The following MYRIP variants were observed in gnomAD, a reference collection of about 807,000 sequenced individuals.
The protein encoded by MYRIP is myosin VIIA and Rab interacting protein, also known as rab effector MyRIP.
Under a neutral mutation model 98.0 loss-of-function variants are expected in MYRIP, and 49 were observed. That is an observed-to-expected ratio of 0.50 (90% CI 0.40 to 0.63). The LOEUF (loss-of-function observed/expected upper bound fraction) is 0.63, where lower values mean the gene tolerates loss of function less well. MYRIP is among the 30% of genes least tolerant of loss of function. The pLI is 0.00. For synonymous variants in MYRIP, 404 were observed against 409.5 expected (o/e 0.99, Z 0.16); for missense variants, 1,004 against 1,058.2 (o/e 0.95, Z 0.71).
chr3:40,131,715 A>G lies in MYRIP; in HGVS notation c.333-19333A>G, dbSNP rs115086302. Among the ~76,000 whole-genome samples, 158 of 152,354 alleles carry G rather than the reference A, an allele frequency of 1.0e-3. 2 individuals carry two copies. The highest frequency in any genetic ancestry group is 3.6e-3 in the African/African-American group (151 of 41,582). On this transcript the variant is annotated intron_variant, in intron 3 of 16. Transcript: ENST00000302541. ...GAGATATCAGCAGTTACATTTTGCTACATTATCTTTCAGGGTTTTTTCTAT... is the reference window on the plus strand; with the variant it reads ...GAGATATCAGCAGTTACATTTTGCTGCATTATCTTTCAGGGTTTTTTCTAT...
In MYRIP at chr3:39,892,022, G is replaced by A. The variant is rs185562195; in HGVS notation, c.-30-8765G>A. Among the ~76,000 whole-genome samples, 24 of 151,478 alleles carry A rather than the reference G, an allele frequency of 1.6e-4. No homozygotes were observed. The East Asian group carries it at 3.1e-3, about 20-fold the overall frequency. On this transcript the variant is annotated intron_variant, in intron 1 of 16. Transcript: ENST00000302541. The stretch of plus-strand genomic sequence containing the variant: ...CAAATACATCTCTCTTTGTATTTAT[G>A]GATTTTCCGTCTTCCTCTAGAAAGC...
At chr3:40,250,060 T>C (rs1290508361) in intron 13 of MYRIP, among the ~76,000 whole-genome samples, 162 bp from the exon 14 acceptor site, 1 of 152,154 alleles carries the variant, frequency 6.6e-6, no homozygotes, top group Non-Finnish European at 1.5e-5. Context: ...ATTTTCTTGC[T>C]ACACACTAGA....
chr3:39,812,309 G>T (rs1333136232), intron 1 of MYRIP, among the ~76,000 whole-genome samples: 1 of 152,124 alleles, frequency 6.6e-6, no homozygotes, highest in Non-Finnish European at 1.5e-5. Context: ...AAGCTAAAAT[G>T]AGACTTCTTG....
At chr3:40,206,649 A>C (rs570195552) in intron 10 of MYRIP, among the ~76,000 whole-genome samples, 1 of 152,116 alleles carries the variant, frequency 6.6e-6, no homozygotes, top group Non-Finnish European at 1.5e-5. Flanking sequence ...AGTGTGTTAC[A>C]ATTGTCTGGT....
chr3:40,098,545 T>G (rs1948875053), intron 3 of MYRIP, among the ~76,000 whole-genome samples: 1 of 152,242 alleles, frequency 6.6e-6, no homozygotes, highest in Non-Finnish European at 1.5e-5. Context: ...CAAAGTGCCC[T>G]GGGTCTTCAT....
Position 40,155,498 on chromosome 3 carries a change from T to C in MYRIP, c.469+4314T>C, listed in dbSNP as rs536469997. Among the ~76,000 whole-genome samples the C allele has an allele frequency of 3.9e-5, 6 of 152,280 alleles. No individual in the cohort carries two copies. In the South Asian group the frequency reaches 1.0e-3, roughly 26 times the overall value. The stretch of plus-strand genomic sequence containing the variant: ...GCAACATGATTTATAGTCCATTGGG[T>C]ATATACCCAGTAATGGGATGGCTGG... On this transcript the variant is annotated intron_variant, in intron 4 of 16. Transcript: ENST00000302541.
At chr3:39,935,283 G>C (rs1944632809) in intron 2 of MYRIP, among the ~76,000 whole-genome samples, 1 of 152,164 alleles carries the variant, frequency 6.6e-6, no homozygotes, top group Non-Finnish European at 1.5e-5. Flanking sequence ...GAGGGTGACT[G>C]TCAGTTTTGA....
At chr3:40,252,096 C>A in intron 16 of MYRIP, 97 bp downstream of exon 16, 1 of 910,626 alleles carries the variant, frequency 1.1e-6, no homozygotes, top group Non-Finnish European at 1.7e-6. Context: ...TCAGAACCCC[C>A]AAAAAGTATC....
At chr3:39,960,646 C>T (rs1055515962) in intron 2 of MYRIP, among the ~76,000 whole-genome samples, 1 of 152,114 alleles carries the variant, frequency 6.6e-6, no homozygotes, top group Non-Finnish European at 1.5e-5. Context: ...CAAAGCAGCA[C>T]TATTGGCGCC....
intron 5 of MYRIP, chr3:40,163,083 G>A: frequency 3.1e-6 from 1 of 317,928 alleles, no homozygotes; most frequent in Non-Finnish European, 5.8e-6. Context: ...TTCTGGAGTT[G>A]GAACATATCA....
chr3:40,253,917 A>G (rs1314933679), intron 16 of MYRIP, among the ~76,000 whole-genome samples: 1 of 152,182 alleles, frequency 6.6e-6, no homozygotes, highest in South Asian at 2.1e-4. Context: ...TGTAAATGGA[A>G]GATTAAGGTC....
At chr3:40,068,364 G>A (rs1388072629) in intron 3 of MYRIP, among the ~76,000 whole-genome samples, 1 of 152,126 alleles carries the variant, frequency 6.6e-6, no homozygotes, top group African/African-American at 2.4e-5. Flanking sequence ...CTCTAGGTGA[G>A]TTAAATATTT....
intron 13 of MYRIP, 22 bp downstream of exon 13, chr3:40,244,629 C>T (rs762056782): frequency 1.9e-6 from 3 of 1,598,264 alleles, no homozygotes; most frequent in Admixed American, 1.7e-5. Flanking sequence ...CCTCTCTGCC[C>T]ACATGGGTCC....
At chr3:39,957,761 A>G (rs548097087) in intron 2 of MYRIP, among the ~76,000 whole-genome samples, 14 of 152,318 alleles carry the variant, frequency 9.2e-5, no homozygotes, top group African/African-American at 2.6e-4. Flanking sequence ...AGATGACATG[A>G]TTGTATATTT....
rs565425627 is a variant in MYRIP at position 40,188,048 on chromosome 3, G to T, written c.1028-1778G>T. Among the ~76,000 whole-genome samples, 159 of 152,298 alleles carry T rather than the reference G, an allele frequency of 1.0e-3. 1 individual carries two copies. The highest frequency in any genetic ancestry group is 3.4e-3 in the African/African-American group (141 of 41,546). Reference sequence around the variant, plus strand: ...AGGGACCAGCGTCCTCCTCGTCAGTGAAAGCCCCACTTCCTGACTCTCAAA... The same window carrying T: ...AGGGACCAGCGTCCTCCTCGTCAGTTAAAGCCCCACTTCCTGACTCTCAAA... On this transcript the variant is annotated intron_variant, in intron 9 of 16. Coordinates refer to ENST00000302541, the MANE Select transcript of MYRIP (RefSeq NM_015460.4).
chr3:40,030,879 G>A (rs781637533), intron 2 of MYRIP, among the ~76,000 whole-genome samples: 34 of 152,050 alleles, frequency 2.2e-4, no homozygotes, highest in Non-Finnish European at 2.6e-4. Flanking sequence ...AAAATGTTAC[G>A]GAGTAAGACA....
chr3:39,895,792 G>A (rs546326770), intron 1 of MYRIP, among the ~76,000 whole-genome samples: 2 of 152,160 alleles, frequency 1.3e-5, no homozygotes, highest in African/African-American at 4.8e-5. Context: ...AAATAAAAAT[G>A]ATGAGAGATG....
At chr3:40,197,832 T>C (rs906209675) in intron 10 of MYRIP, among the ~76,000 whole-genome samples, 3 of 152,228 alleles carry the variant, frequency 2.0e-5, no homozygotes, top group African/African-American at 2.4e-5. Context: ...CATTAACTTT[T>C]CCTGTTAGCA....
intron 2 of MYRIP, among the ~76,000 whole-genome samples, chr3:39,947,921 TA>T (rs1309300448): frequency 6.6e-6 from 1 of 152,208 alleles, no homozygotes; most frequent in Middle Eastern, 3.2e-3. Context: ...CTCCACACAG[TA>T]ATCACTTTCA....
Sources: gnomAD v4.1 joint callset for allele counts (sites outside exome capture counted in the v4.1 genomes callset) on GRCh38, gnomAD v4.1.1 for gene constraint, MANE v1.5 for transcripts, NCBI Gene and HGNC (gene_info 2026-07-23, HGNC 2026-07-21) for gene names.